The following TRHDE variants were observed in gnomAD, a reference collection of about 807,000 sequenced individuals.
The protein encoded by TRHDE is thyrotropin releasing hormone degrading enzyme.
TRHDE carries 72 observed loss-of-function variants against 125.7 expected under a neutral mutation model. The observed-to-expected ratio is 0.57, with a 90% CI of 0.47 to 0.70. TRHDE has a LOEUF of 0.70. Ranked by LOEUF, TRHDE falls within the 30% of genes least tolerant of loss-of-function variation. TRHDE has a pLI of 0.00. For missense variants in TRHDE, 1,110 were observed against 1,327.1 expected, an observed-to-expected ratio of 0.84 and a Z score of 2.54; for synonymous variants, 509 against 509.1, an observed-to-expected ratio of 1.00 and a Z score of 0.00.
At chr12:72,177,009 C>T (rs1877003138) in intron 2 of TRHDE, among the ~76,000 whole-genome samples, 1 of 151,856 alleles carries the variant, frequency 6.6e-6, no homozygotes, top group Non-Finnish European at 1.5e-5. Context: ...ATCATGACGA[C>T]AAGTGAGCGG....
At chr12:72,629,898 ACT>A (rs1185823413) in intron 15 of TRHDE, among the ~76,000 whole-genome samples, 1 of 151,180 alleles carries the variant, frequency 6.6e-6, no homozygotes, top group African/African-American at 2.4e-5. Flanking sequence ...CATATAATTC[ACT>A]CTATTTCAAA....
At chr12:72,352,492 A>T (rs1035364852) in intron 2 of TRHDE, among the ~76,000 whole-genome samples, 3 of 151,812 alleles carry the variant, frequency 2.0e-5, no homozygotes, top group African/African-American at 7.2e-5. Context: ...TATATGAAAT[A>T]TACTTTTTTA....
intron 2 of TRHDE, among the ~76,000 whole-genome samples, chr12:72,118,312 A>G (rs1433681539): frequency 1.3e-5 from 2 of 152,130 alleles, no homozygotes; most frequent in Admixed American, 6.6e-5. Flanking sequence ...TGAAATGATC[A>G]TATAGTTTTT....
At chr12:72,263,729 A>G (rs1338796118) in intron 2 of TRHDE, 1 of 152,060 alleles carries the variant, frequency 6.6e-6, no homozygotes, top group Non-Finnish European at 1.5e-5. Context: ...AGTCTTACTC[A>G]TGGTATTTGA....
chr12:72,457,065 A>C (rs1042151555), intron 3 of TRHDE, among the ~76,000 whole-genome samples: 2 of 152,196 alleles, frequency 1.3e-5, no homozygotes, highest in Admixed American at 1.3e-4. Flanking sequence ...TAATTTGATC[A>C]ATGCCTCCCA....
At chr12:72,286,371 C>T (rs977408041) in intron 1 of TRHDE, among the ~76,000 whole-genome samples, 2 of 152,208 alleles carry the variant, frequency 1.3e-5, no homozygotes, top group Non-Finnish European at 2.9e-5. Flanking sequence ...TCATCACTTT[C>T]CAGTTCTGGC....
chr12:72,210,188 A>ATCTATCTT (rs1379680938), intron 2 of TRHDE, among the ~76,000 whole-genome samples: 1 of 146,456 alleles, frequency 6.8e-6, no homozygotes, highest in Non-Finnish European at 1.5e-5. Context: ...CTATCTATCT[A>ATCTATCTT]TCTATCTATC....
intron 2 of TRHDE, among the ~76,000 whole-genome samples, chr12:72,133,942 CA>C (rs1321291967): frequency 6.6e-6 from 1 of 152,164 alleles, no homozygotes; most frequent in Non-Finnish European, 1.5e-5. Context: ...GCAAGGGGAG[CA>C]AACTGGTTTC....
At chr12:72,432,624 C>T (rs746585923) in intron 3 of TRHDE, among the ~76,000 whole-genome samples, 6 of 152,132 alleles carry the variant, frequency 3.9e-5, no homozygotes, top group Non-Finnish European at 7.4e-5. Context: ...CCACAGCAGA[C>T]ATCATCAAAC....
chr12:72,648,015 G>T (rs984271027), intron 15 of TRHDE, among the ~76,000 whole-genome samples: 2 of 152,012 alleles, frequency 1.3e-5, no homozygotes, highest in Non-Finnish European at 2.9e-5. Flanking sequence ...AATACTAGCA[G>T]CCTGAAACCA....
rs776621450 is a variant in TRHDE, at chr12:72,107,874, A to G, written n.279+2122A>G. 3.0e-4 allele frequency among the ~76,000 whole-genome samples: 45 copies of G among 152,124 alleles called. 1 individual carries two copies. Among genetic ancestry groups the G allele is most frequent in the Middle Eastern group, 3.2e-3 (1 of 316 alleles). On this transcript the variant is annotated intron_variant and non_coding_transcript_variant, in intron 2 of 4. Coordinates refer to the TRHDE transcript ENST00000548156. The stretch of plus-strand genomic sequence containing the variant: ...AATTTAATGAATTGATTTATTGAAG[A>G]ATACTTCACTGTTTCACATGTTGGT...
chr12:72,565,355 G>A (rs189390525), intron 9 of TRHDE, among the ~76,000 whole-genome samples: 1 of 152,228 alleles, frequency 6.6e-6, no homozygotes, highest in East Asian at 1.9e-4. Context: ...AACATTTTAA[G>A]AGAATCCAGT....
At position 72,385,260 on chromosome 12, in the gene TRHDE, A is replaced by G. The variant is rs577766983; in HGVS notation, c.1315+7139A>G. On this transcript the variant is annotated intron_variant, in intron 3 of 18. Transcript: ENST00000261180. ...AGCTCTTCAAATTATTTGATCTTAT[A>G]CTCAGCTATTGTATGGTTTCTTGGT... 2.6e-5 allele frequency among the ~76,000 whole-genome samples: 4 copies of G among 151,270 alleles called. No individual in the cohort carries two copies. The East Asian group carries it at 7.8e-4, about 29-fold the overall frequency.
At chr12:72,173,947 G>C (rs1196308388) in intron 2 of TRHDE, among the ~76,000 whole-genome samples, 1 of 152,100 alleles carries the variant, frequency 6.6e-6, no homozygotes, top group Non-Finnish European at 1.5e-5. Context: ...TCCCATACCT[G>C]TATGCATGTC....
chr12:72,514,774 C>G (rs929492010), intron 6 of TRHDE, among the ~76,000 whole-genome samples: 3 of 139,070 alleles, frequency 2.2e-5, no homozygotes, highest in African/African-American at 8.0e-5. Flanking sequence ...TCTCCTAATG[C>G]TATCCCTCCC....
intron 3 of TRHDE, among the ~76,000 whole-genome samples, chr12:72,455,342 G>A (rs532046147): frequency 6.6e-6 from 1 of 152,000 alleles, no homozygotes; most frequent in Non-Finnish European, 1.5e-5. Flanking sequence ...TGGTTATTTG[G>A]TACAAAAATC....
At chr12:72,478,565 A>G (rs1233424354) in intron 5 of TRHDE, among the ~76,000 whole-genome samples, 1 of 152,182 alleles carries the variant, frequency 6.6e-6, no homozygotes, top group Non-Finnish European at 1.5e-5. Flanking sequence ...GGGGACCTGC[A>G]GCTCCCTGTT....
intron 2 of TRHDE, chr12:72,256,631 A>C (rs1878821177): frequency 6.6e-6 from 1 of 152,020 alleles, no homozygotes; most frequent in Non-Finnish European, 1.5e-5. Context: ...TTTGTTGACT[A>C]AATGAATGAA....
intron 2 of TRHDE, among the ~76,000 whole-genome samples, chr12:72,309,202 T>G (rs565403685): frequency 6.6e-6 from 1 of 152,146 alleles, no homozygotes; most frequent in Non-Finnish European, 1.5e-5. Flanking sequence ...AAAGTCATTT[T>G]TGAGGTAGAA....
Sources: allele counts gnomAD v4.1 joint callset (sites outside exome capture counted in the v4.1 genomes callset), GRCh38; gene constraint gnomAD v4.1.1; transcripts MANE v1.5; gene names NCBI Gene and HGNC (gene_info 2026-07-23, HGNC 2026-07-21).